The following TOGARAM1 variants were observed in gnomAD, a reference collection of about 807,000 sequenced individuals.
The protein encoded by TOGARAM1 is TOG array regulator of axonemal microtubules 1.
Under a neutral mutation model 166.6 loss-of-function variants are expected in TOGARAM1, and 100 were observed. The observed-to-expected ratio is 0.60, with a 90% CI of 0.51 to 0.71. The LOEUF (loss-of-function observed/expected upper bound fraction) is 0.71. TOGARAM1 is among the 30% of genes least tolerant of loss of function. The probability of loss-of-function intolerance (pLI) is 0.00; values close to 1 mark genes in which losing one functional copy is unlikely to be tolerated. For missense variants in TOGARAM1, 2,029 were observed against 2,102.7 expected (o/e 0.96, Z 0.69); for synonymous variants, 758 against 763.8 (o/e 0.99, Z 0.13).
Position 44,963,313 on chromosome 14 carries a change from C to T in TOGARAM1, c.892C>T (p.Arg298Cys). Reference protein sequence around the residue: ...GQDRFQSYISRLPSALRRHYN... With the variant: ...GQDRFQSYISCLPSALRRHYN... ...AGACAGGTTTCAATCTTACATTTCT[C>T]GTCTGCCCTCTGCCCTGAGGAGACA... is the stretch of plus-strand genomic sequence containing the variant. The change falls in exon 1 of 20, where the codon CGT (arginine) becomes TGT (cysteine). Residue 298 changes from arginine (R) to cysteine (C), a missense_variant. Around this residue, in one of 2 missense-constraint regions of TOGARAM1, gnomAD observed 1,453 missense variants for 1,432.2 expected, o/e 1.01. Coordinates refer to ENST00000361462, the MANE Select transcript of TOGARAM1 (RefSeq NM_001308120.2). 1.2e-6 allele frequency: 2 copies of T among 1,614,182 alleles called. No homozygotes were observed. Among genetic ancestry groups the T allele is most frequent in the Non-Finnish European group, 1.7e-6 (2 of 1,180,022 alleles).
intron 8 of TOGARAM1, among the ~76,000 whole-genome samples, chr14:45,027,011 A>AAACT (rs1254753045): frequency 6.6e-6 from 1 of 151,622 alleles, no homozygotes; most frequent in African/African-American, 2.4e-5. Context: ...ATCTCAAAAC[A>AAACT]AACAAACAAA....
intron 10 of TOGARAM1, among the ~76,000 whole-genome samples, chr14:45,030,657 C>T (rs145492366): frequency 6.6e-6 from 1 of 152,076 alleles, no homozygotes; most frequent in South Asian, 2.1e-4. Context: ...ATATCATCTT[C>T]CTCACATAAC....
intron 13 of TOGARAM1, among the ~76,000 whole-genome samples, chr14:45,045,906 C>A (rs1882046327): frequency 6.6e-6 from 1 of 151,124 alleles, no homozygotes; most frequent in Non-Finnish European, 1.5e-5. Flanking sequence ...TGGGTAGATT[C>A]CAAGTAGTAG....
At chr14:44,976,495 T>C (rs942874197) in intron 1 of TOGARAM1, among the ~76,000 whole-genome samples, 2 of 152,228 alleles carry the variant, frequency 1.3e-5, no homozygotes, top group African/African-American at 2.4e-5. Context: ...TCTGAGCACA[T>C]TGAGAACAGA....
chr14:45,007,174 T>C (rs1879498521), intron 5 of TOGARAM1: 1 of 152,136 alleles, frequency 6.6e-6, no homozygotes, highest in Non-Finnish European at 1.5e-5. Flanking sequence ...TAATGATAAT[T>C]TGCTCAATAA....
chr14:45,061,635 A>G (rs1882905452), intron 16 of TOGARAM1, among the ~76,000 whole-genome samples: 1 of 152,126 alleles, frequency 6.6e-6, no homozygotes, highest in African/African-American at 2.4e-5. Flanking sequence ...TATTAAGATA[A>G]TTATATTTTT....
chr14:44,962,520 CGAT>C lies in TOGARAM1; in HGVS notation c.103_105del (p.Asp35del). On this transcript the variant is annotated inframe_deletion, in exon 1 of 20. Coordinates refer to ENST00000361462, the MANE Select transcript of TOGARAM1 (RefSeq NM_001308120.2). ...GCAGTCGTCCTTCCGCCCCAGAGACCGATGATAGTCGAGTTGGGGGCATTATGA... is the reference window on the plus strand; with the variant it reads ...GCAGTCGTCCTTCCGCCCCAGAGACCGATAGTCGAGTTGGGGGCATTATGA... 1 of 1,613,424 alleles carries C rather than the reference CGAT, an allele frequency of 6.2e-7. No individual in the cohort carries two copies. The highest frequency in any genetic ancestry group is 8.5e-7 in the Non-Finnish European group (1 of 1,179,880).
Position 45,028,329 on chromosome 14 carries a change from A to G in TOGARAM1, c.3658A>G (p.Ser1220Gly). The change falls in exon 10 of 20, where the codon AGT becomes GGT. Residue 1220 changes from serine to glycine, a missense_variant and splice_region_variant. Physicochemically the swap from Ser to Gly is moderately conservative, Grantham distance 56. This residue lies in a region of TOGARAM1 where 576 missense variants were observed against 670.5 expected (regional missense o/e 0.86). Coordinates refer to ENST00000361462, the MANE Select transcript of TOGARAM1 (RefSeq NM_001308120.2). ...AGGAACTGAGAAAATGGCATCTGAA[A>G]GTAAGTGGAATTTAAGTTTTGGTAT... is the stretch of plus-strand genomic sequence containing the variant. The part of the protein sequence containing the change: ...HTGTEKMASE[S>G]ETPTGAISQY... 1 of 1,582,192 alleles carries G rather than the reference A, an allele frequency of 6.3e-7. No homozygotes were observed. Among genetic ancestry groups the G allele is most frequent in the Non-Finnish European group, 8.5e-7 (1 of 1,172,174 alleles).
At chr14:45,021,130 C>G (rs1453002877) in intron 7 of TOGARAM1, among the ~76,000 whole-genome samples, 1 of 152,108 alleles carries the variant, frequency 6.6e-6, no homozygotes, top group African/African-American at 2.4e-5. Context: ...TTTCTCCTGC[C>G]TGATCTTGAA....
At chr14:45,057,289 G>A (rs1051763899) in intron 16 of TOGARAM1, among the ~76,000 whole-genome samples, 1 of 152,136 alleles carries the variant, frequency 6.6e-6, no homozygotes, top group African/African-American at 2.4e-5. Context: ...ATCTTGCGGG[G>A]TATGGGGGTT....
At chr14:45,068,290 C>G in intron 17 of TOGARAM1, 134 bp from the exon 18 acceptor site, 1 of 573,820 alleles carries the variant, frequency 1.7e-6, no homozygotes, top group Non-Finnish European at 2.8e-6. Flanking sequence ...TATCCAAGTT[C>G]AGGCAAAATA....
Position 45,027,326 on chromosome 14 carries a change from C to A in TOGARAM1, c.3356C>A (p.Pro1119Gln), listed in dbSNP as rs201747109. The change falls in exon 9 of 20, where the codon CCA (proline) becomes CAA (glutamine). Residue 1119 changes from proline to glutamine, a missense_variant. Physicochemically the swap from Pro to Gln is moderately conservative, Grantham distance 76. Around this residue, in one of 2 missense-constraint regions of TOGARAM1, gnomAD observed 1,453 missense variants for 1,432.2 expected, o/e 1.01. Coordinates refer to ENST00000361462, the MANE Select transcript of TOGARAM1 (RefSeq NM_001308120.2). ...KGVFGSLSSAPATCSQSVISS... is the reference protein window; with the variant it reads ...KGVFGSLSSAQATCSQSVISS... ...GTATTTGGAAGTTTAAGTTCAGCACCAGCAACCTGCAGCCAATCAGTGATA... is the reference window on the plus strand; with the variant it reads ...GTATTTGGAAGTTTAAGTTCAGCACAAGCAACCTGCAGCCAATCAGTGATA... The A allele has an allele frequency of 1.9e-6, 3 of 1,613,010 alleles. No individual in the cohort carries two copies. Among genetic ancestry groups the A allele is most frequent in the Non-Finnish European group, 2.5e-6 (3 of 1,179,704 alleles).
At chr14:45,022,072 C>T (rs754767751) in intron 7 of TOGARAM1, among the ~76,000 whole-genome samples, 4 of 151,894 alleles carry the variant, frequency 2.6e-5, no homozygotes, top group African/African-American at 9.7e-5. Context: ...TTCATTTTCT[C>T]GACCTTCCCC....
At chr14:44,969,150 C>CCTTTCTTTCTTTCTTTCT (rs1566595745) in intron 1 of TOGARAM1, among the ~76,000 whole-genome samples, 1 of 130,052 alleles carries the variant, frequency 7.7e-6, no homozygotes, top group African/African-American at 3.3e-5. Context: ...TCCTTCCTTT[C>CCTTTCTTTCTTTCTTTCT]TTTCTTTCTT....
At position 45,012,081 on chromosome 14, in the gene TOGARAM1, C is replaced by CT; in HGVS notation, c.3238+7dup. On this transcript the variant is annotated splice_region_variant and intron_variant, in intron 7 of 19. Transcript: ENST00000361462. The stretch of plus-strand genomic sequence containing the variant: ...TGAACAAAGCCCCAGTGCAGGTATT[C>CT]TATGTCTGTTTATAAAAATAATTTA... The CT allele has an allele frequency of 6.7e-7, 1 of 1,498,014 alleles. No homozygotes were observed. The highest frequency in any genetic ancestry group is 1.4e-5 in the African/African-American group (1 of 71,108). 92.8% of individuals were successfully genotyped at this position (1,498,014 alleles called of 1,614,324 possible).
At chr14:45,016,909 A>ATT (rs1880177876) in intron 7 of TOGARAM1, among the ~76,000 whole-genome samples, 1 of 152,160 alleles carries the variant, frequency 6.6e-6, no homozygotes, top group Admixed American at 6.5e-5. Context: ...GGAGATATAT[A>ATT]CCTTATGTAT....
chr14:45,011,948 T>C (rs1831019746), intron 6 of TOGARAM1, 27 bp from the exon 7 acceptor site: 1 of 1,502,976 alleles, frequency 6.7e-7, no homozygotes, highest in Non-Finnish European at 9.2e-7. Context: ...TCTTAATGTT[T>C]ATTGAAATTA....
At chr14:45,045,569 ATATATATATATATATG>A (rs1267271367) in intron 13 of TOGARAM1, among the ~76,000 whole-genome samples, 22 of 39,454 alleles carry the variant, frequency 5.6e-4, no homozygotes, top group South Asian at 1.0e-3. Flanking sequence ...ATATATATAT[ATATATATATATATATG>A]TGTGTGTGTG....
intron 11 of TOGARAM1, among the ~76,000 whole-genome samples, chr14:45,040,716 C>G (rs536829822): frequency 6.6e-6 from 1 of 151,822 alleles, no homozygotes; most frequent in African/African-American, 2.4e-5. Context: ...TTAAAAGACA[C>G]AAACTACCAA....
Sources: allele counts gnomAD v4.1 joint callset (sites outside exome capture counted in the v4.1 genomes callset), GRCh38; gene constraint gnomAD v4.1.1; regional missense constraint gnomAD v4.1.1; transcripts MANE v1.5; gene names NCBI Gene and HGNC (gene_info 2026-07-23, HGNC 2026-07-21).